FIRRM: variants seen among roughly 807,000 people sequenced by gnomAD.
FIRRM encodes the protein FIGNL1 interacting regulator of recombination and mitosis.
chr1:169,787,240 T>C, the FIRRM span, among the ~76,000 whole-genome samples: 2 of 152,202 alleles, frequency 1.3e-5, no homozygotes, highest in African/African-American at 4.8e-5. Context: ...TCTGTAGCCC[T>C]AATTTCCGGT....
At chr1:169,795,364 G>A in the FIRRM span, 9 of 1,414,758 alleles carry the variant, frequency 6.4e-6, no homozygotes, top group African/African-American at 8.7e-5. Context: ...GGGATGAAAA[G>A]TGAGGGACTG....
chr1:169,822,956 G>C, the FIRRM span, among the ~76,000 whole-genome samples: 15 of 152,080 alleles, frequency 9.9e-5, no homozygotes, highest in East Asian at 2.7e-3. Flanking sequence ...CTCATGTTAA[G>C]AATTTTTTTT....
the FIRRM span, among the ~76,000 whole-genome samples, chr1:169,785,782 G>C: frequency 6.6e-6 from 1 of 152,154 alleles, no homozygotes; most frequent in African/African-American, 2.4e-5. Flanking sequence ...AGGCTTGAAG[G>C]TGGGGCCTTT....
chr1:169,850,657 A>G, the FIRRM span: 13 of 209,302 alleles, frequency 6.2e-5, no homozygotes, highest in Non-Finnish European at 1.3e-4. Context: ...TTAGCCGGGC[A>G]TGGTGGTACG....
At chr1:169,842,353 C>T in the FIRRM span, 15 of 1,526,306 alleles carry the variant, frequency 9.8e-6, no homozygotes, top group South Asian at 2.6e-5. Context: ...CTAGTTAAGT[C>T]GGCTCTTGGT....
the FIRRM span, among the ~76,000 whole-genome samples, chr1:169,828,400 C>T: frequency 3.9e-5 from 6 of 152,154 alleles, no homozygotes; most frequent in Non-Finnish European, 7.3e-5. Flanking sequence ...GATTTAAAGC[C>T]TGTCCCATAC....
chr1:169,800,303 C>T, the FIRRM span, among the ~76,000 whole-genome samples: 1 of 152,048 alleles, frequency 6.6e-6, no homozygotes, highest in East Asian at 1.9e-4. Context: ...CCTCAGCCAC[C>T]CAAAGTGTTG....
At chr1:169,795,041 C>T in the FIRRM span, 3 of 1,334,096 alleles carry the variant, frequency 2.2e-6, no homozygotes, top group East Asian at 5.0e-5. Context: ...GTTGGCGGGA[C>T]TGCGAGTTTC....
the FIRRM span, chr1:169,802,774 G>A: frequency 1.7e-6 from 2 of 1,176,800 alleles, no homozygotes; most frequent in Admixed American, 1.9e-5. Context: ...CTTAAAGAAT[G>A]TCAAAATTTT....
chr1:169,802,185 G>A, the FIRRM span, among the ~76,000 whole-genome samples: 68 of 152,238 alleles, frequency 4.5e-4, no homozygotes, highest in Admixed American at 1.6e-3. Context: ...AAAGGAAACT[G>A]GTTAGAAAAT....
the FIRRM span, among the ~76,000 whole-genome samples, chr1:169,803,773 G>A: frequency 1.1e-3 from 170 of 152,198 alleles, no homozygotes; most frequent in South Asian, 5.6e-3. Context: ...GCTATTTGTT[G>A]GGCGAATGAA....
chr1:169,836,865 T>C, the FIRRM span: 1 of 1,246,988 alleles, frequency 8.0e-7, no homozygotes, highest in Admixed American at 2.4e-5. Flanking sequence ...TACTTAGCTT[T>C]TGTGTATCCA....
the FIRRM span, among the ~76,000 whole-genome samples, chr1:169,837,478 C>G: frequency 6.6e-6 from 1 of 152,136 alleles, no homozygotes; most frequent in Non-Finnish European, 1.5e-5. Context: ...TACTCTGAAC[C>G]TTTATGTACC....
At chr1:169,833,846 CTTTTT>C in the FIRRM span, among the ~76,000 whole-genome samples, 7 of 96,056 alleles carry the variant, frequency 7.3e-5, no homozygotes, top group South Asian at 4.0e-4. Context: ...AGTCACTTTC[CTTTTT>C]TTTTTTTTTT....
At chr1:169,826,362 A>ATT in the FIRRM span, among the ~76,000 whole-genome samples, 508 of 129,836 alleles carry the variant, frequency 3.9e-3, 9 homozygotes, top group Middle Eastern at 4.4e-3. Context: ...CACACCCGGC[A>ATT]TTTTTTTTTT....
chr1:169,851,869 A>C, the FIRRM span: 11 of 1,613,886 alleles, frequency 6.8e-6, no homozygotes, highest in Admixed American at 1.5e-4. Context: ...GTGAAACAGG[A>C]AAAAGGTATT....
chr1:169,804,753 G>A, the FIRRM span, among the ~76,000 whole-genome samples: 111 of 152,048 alleles, frequency 7.3e-4, no homozygotes, highest in African/African-American at 2.6e-3. Context: ...GCACAATCTC[G>A]GCTCACTGCA....
the FIRRM span, among the ~76,000 whole-genome samples, chr1:169,807,205 G>T: frequency 6.6e-6 from 1 of 152,070 alleles, no homozygotes; most frequent in Non-Finnish European, 1.5e-5. Flanking sequence ...GAGTCTTTTC[G>T]TGGTTTTTCC....
chr1:169,792,654 T>TA, the FIRRM span: 15 of 1,611,172 alleles, frequency 9.3e-6, no homozygotes, highest in Non-Finnish European at 1.2e-5. Context: ...ATTCTGGTCT[T>TA]AAAAACATCT....
Sources: allele counts gnomAD v4.1 joint callset (sites outside exome capture counted in the v4.1 genomes callset), GRCh38; gene constraint gnomAD v4.1.1; transcripts MANE v1.5; gene names NCBI Gene and HGNC (gene_info 2026-07-23, HGNC 2026-07-21).